RRBP1: variants seen among roughly 807,000 people sequenced by gnomAD.
RRBP1 encodes the protein ribosome binding protein 1, also known as ribosome-binding protein 1.
In RRBP1, 94 loss-of-function variants were observed where a neutral mutation model predicts 165.2. The ratio of observed to expected loss-of-function variants is 0.57; its 90% CI spans 0.48 to 0.68. RRBP1 has a LOEUF of 0.68. Among genes scored for constraint, RRBP1 ranks in the 30% least tolerant of loss-of-function variants. RRBP1 has a pLI of 0.00. For synonymous variants in RRBP1, 680 were observed against 714.5 expected (o/e 0.95, Z 0.77); for missense variants, 1,676 against 1,763.0 (o/e 0.95, Z 0.88).
Position 17,624,559 on chromosome 20 carries a change from T to A in RRBP1, c.3147+17A>T. On this transcript the variant is annotated intron_variant, in intron 13 of 24. Transcript: ENST00000377813. Reference sequence around the variant, plus strand: ...GCACTTTCCATGGTGGGGGTGTGAGTGTGGTCGGGCTCTGACCTTGGCCTG... The same window carrying A: ...GCACTTTCCATGGTGGGGGTGTGAGAGTGGTCGGGCTCTGACCTTGGCCTG... 1 of 1,555,454 alleles carries A rather than the reference T, an allele frequency of 6.4e-7. No homozygotes were observed. The highest frequency in any genetic ancestry group is 8.8e-7 in the Non-Finnish European group (1 of 1,139,650).
chr20:17,637,839 C>A (rs954508142), intron 5 of RRBP1, among the ~76,000 whole-genome samples: 4 of 151,664 alleles, frequency 2.6e-5, no homozygotes, highest in African/African-American at 9.8e-5. Flanking sequence ...GTCTGCTTCA[C>A]TGATTAGCTA....
intron 2 of RRBP1, among the ~76,000 whole-genome samples, chr20:17,679,746 C>T (rs749481861): frequency 6.6e-6 from 1 of 152,182 alleles, no homozygotes; most frequent in Non-Finnish European, 1.5e-5. Context: ...AAAACTCTTC[C>T]ATCACCAAAA....
intron 3 of RRBP1, among the ~76,000 whole-genome samples, chr20:17,655,230 C>T (rs2036625920): frequency 6.6e-6 from 1 of 152,170 alleles, no homozygotes; most frequent in Non-Finnish European, 1.5e-5. Flanking sequence ...AACCAGGTCT[C>T]ACTATGTTGC....
At position 17,615,545 on chromosome 20, in the gene RRBP1, A is replaced by G. The variant is rs1394057804; in HGVS notation, c.3952-16T>C. On this transcript the variant is annotated splice_polypyrimidine_tract_variant and intron_variant, in intron 22 of 24. Transcript: ENST00000377813. ...AGGTCTGAGCCTTGCCGGAGAGGGA[A>G]GTGAGGTCTGGGTGAGACGTCTTAT... The G allele has an allele frequency of 1.3e-6, 2 of 1,593,612 alleles. No homozygotes were observed. Among genetic ancestry groups the G allele is most frequent in the Non-Finnish European group, 1.7e-6 (2 of 1,171,328 alleles).
Position 17,660,533 on chromosome 20 carries a change from C to G in RRBP1, c.-21-5G>C, listed in dbSNP as rs1255449859. ...CCTGGCTTGCTTTCCTTTCACCTGT[C>G]AAACATACATGGAGGTTACTATTTA... On this transcript the variant is annotated splice_polypyrimidine_tract_variant and splice_region_variant and intron_variant, in intron 2 of 24. Coordinates refer to ENST00000377813, the MANE Select transcript of RRBP1 (RefSeq NM_001365613.2). The G allele has an allele frequency of 6.5e-7, 1 of 1,529,734 alleles. No homozygotes were observed. The highest frequency in any genetic ancestry group is 2.3e-5 in the East Asian group (1 of 44,424). 94.8% of individuals were successfully genotyped at this position (1,529,734 alleles called of 1,614,324 possible).
rs1007802021 is a variant in RRBP1 at position 17,618,475 on chromosome 20, G to A, written c.3759+121C>T. ...GCCGGCCCCATGCTGCTCAACGGGT[G>A]ACACTGTCCCTTCCCTAGGCTTTAT... On this transcript the variant is annotated intron_variant, in intron 20 of 24. Coordinates refer to ENST00000377813, the MANE Select transcript of RRBP1 (RefSeq NM_001365613.2). 3 of 834,018 alleles carry A rather than the reference G, an allele frequency of 3.6e-6. No homozygotes were observed. The African/African-American group carries it at 5.0e-5, about 14-fold the overall frequency. 51.7% of individuals were successfully genotyped at this position (834,018 alleles called of 1,614,324 possible). A position where few individuals can be genotyped will look rare whatever the true frequency, so the allele number is the denominator to read the frequency against.
In RRBP1 at chr20:17,614,803, C is replaced by G. The variant is rs747482750; in HGVS notation, c.4128G>C (p.Thr1376=). The change falls in exon 24 of 25, where the codon ACG becomes ACC. Residue 1376 remains threonine (T), a synonymous_variant. Transcript: ENST00000377813. The part of the protein sequence containing the change: ...AATRLQELLK[T]TQEQLAREKD... ...TCTCCCTTGCCAGCTGCTCCTGGGT[C>G]GTCTTCAGAAGCTCCTGCAGTCTCG... is the stretch of plus-strand genomic sequence containing the variant. The G allele has an allele frequency of 6.2e-7, 1 of 1,613,868 alleles. No individual in the cohort carries two copies. Among genetic ancestry groups the G allele is most frequent in the Non-Finnish European group, 8.5e-7 (1 of 1,180,026 alleles).
intron 9 of RRBP1, among the ~76,000 whole-genome samples, chr20:17,629,535 C>G (rs1168467669): frequency 6.6e-6 from 1 of 152,058 alleles, no homozygotes; most frequent in East Asian, 1.9e-4. Context: ...TCCCATGCAC[C>G]AGGCCCTCAC....
intron 20 of RRBP1, among the ~76,000 whole-genome samples, chr20:17,617,235 TAGAAAAG>T (rs2035819094): frequency 6.6e-6 from 1 of 152,224 alleles, no homozygotes; most frequent in Non-Finnish European, 1.5e-5. Context: ...TTCCGGGGTC[TAGAAAAG>T]ATTATGAGAT....
In RRBP1 at chr20:17,615,498, T is replaced by A. The variant is rs1160747567; in HGVS notation, c.3983A>T (p.Glu1328Val). The A allele has an allele frequency of 6.2e-7, 1 of 1,607,106 alleles. No homozygotes were observed. The highest frequency in any genetic ancestry group is 1.7e-5 in the Admixed American group (1 of 58,260). ...GCCGGCTGTGCGGAGCTTCTCCAAT[T>A]CTTCTTGTAACCGACATGCCGAGGT... The part of the protein sequence containing the change: ...AQTSACRLQE[E>V]LEKLRTAGPL... Residue 1328 changes from glutamate (E) to valine (V), a missense_variant, in exon 23 of 25, where the codon GAA (glutamate) becomes GTA (valine). Transcript: ENST00000377813.
rs1461355870 is a variant in RRBP1, at chr20:17,658,632, T to C, written c.1876A>G (p.Lys626Glu). The change falls in exon 3 of 25, where the codon AAG (lysine) becomes GAG (glutamate). Residue 626 changes from lysine (K) to glutamate (E), a missense_variant. Lys to Glu is a moderately conservative substitution (Grantham distance 56). Transcript: ENST00000377813. ...PEAPKQEAPA[K>E]KKSGSKKKGE... The stretch of plus-strand genomic sequence containing the variant: ...TTTTTCTTTGAACCAGACTTCTTCT[T>C]GGCAGGAGCCTCTTGCTTTGGTGCC... 4 of 1,608,608 alleles carry C rather than the reference T, an allele frequency of 2.5e-6. No individual in the cohort carries two copies. The highest frequency in any genetic ancestry group is 1.7e-6 in the Non-Finnish European group (2 of 1,177,952).
chr20:17,636,496 T>G, intron 6 of RRBP1, 81 bp downstream of exon 6: 1 of 1,521,930 alleles, frequency 6.6e-7, no homozygotes, highest in South Asian at 1.2e-5. Flanking sequence ...GCCTCACCCT[T>G]TGGGCCTCTC....
intron 2 of RRBP1, among the ~76,000 whole-genome samples, chr20:17,674,210 T>C (rs1039233966): frequency 6.6e-6 from 1 of 152,218 alleles, no homozygotes; most frequent in Admixed American, 6.5e-5. Flanking sequence ...GCTAGAAATC[T>C]AGTATCTACT....
At chr20:17,664,418 T>G (rs986428907) in intron 2 of RRBP1, among the ~76,000 whole-genome samples, 4 of 151,716 alleles carry the variant, frequency 2.6e-5, no homozygotes, top group African/African-American at 9.7e-5. Flanking sequence ...CCACAAAGAG[T>G]GAAACCATAG....
At chr20:17,650,384 G>A (rs1303591730) in intron 3 of RRBP1, among the ~76,000 whole-genome samples, 1 of 152,124 alleles carries the variant, frequency 6.6e-6, no homozygotes, top group Non-Finnish European at 1.5e-5. Context: ...GGTCTCTCTG[G>A]CCACAGAGTA....
Position 17,627,541 on chromosome 20 carries a change from A to G in RRBP1, c.2891T>C (p.Leu964Pro), listed in dbSNP as rs1600733938. 3 of 1,612,994 alleles carry G rather than the reference A, an allele frequency of 1.9e-6. No individual in the cohort carries two copies. The highest frequency in any genetic ancestry group is 1.7e-6 in the Non-Finnish European group (2 of 1,179,606). Residue 964 changes from leucine to proline, a missense_variant, in exon 10 of 25, where the codon CTG becomes CCG. Leu to Pro is a moderately conservative substitution (Grantham distance 98). This residue lies in a region of RRBP1 where 1,184 missense variants were observed against 1,167.1 expected (regional missense o/e 1.01). Coordinates refer to ENST00000377813, the MANE Select transcript of RRBP1 (RefSeq NM_001365613.2). ...GGCATCCCGCGCCTGGCCCGCCTCC[A>G]GCAGGGCCTCAATGGAACGGATTCT... ...TERIRSIEAL[L>P]EAGQARDAQD...
At chr20:17,635,509 C>G in intron 7 of RRBP1, 37 bp downstream of exon 7, 5 of 1,497,356 alleles carry the variant, frequency 3.3e-6, no homozygotes, top group Non-Finnish European at 3.7e-6. Flanking sequence ...GCTCCAGGGC[C>G]CTTGGGGAGG....
At chr20:17,662,278 A>C (rs1319944585) in intron 2 of RRBP1, among the ~76,000 whole-genome samples, 1 of 144,730 alleles carries the variant, frequency 6.9e-6, no homozygotes, top group African/African-American at 2.5e-5. Context: ...AAAAATTTTC[A>C]AAAAAAAAAA....
intron 3 of RRBP1, among the ~76,000 whole-genome samples, chr20:17,647,840 G>C (rs1382122112): frequency 1.3e-5 from 2 of 152,194 alleles, no homozygotes; most frequent in African/African-American, 4.8e-5. Context: ...GCCTGCACGG[G>C]GTGACTCCAG....
Sources: allele counts gnomAD v4.1 joint callset (sites outside exome capture counted in the v4.1 genomes callset), GRCh38; gene constraint gnomAD v4.1.1; regional missense constraint gnomAD v4.1.1; transcripts MANE v1.5; gene names NCBI Gene and HGNC (gene_info 2026-07-23, HGNC 2026-07-21).